Variants in LOXHD1 observed in about 807,000 individuals in gnomAD.
The protein encoded by LOXHD1 is lipoxygenase homology domain-containing protein 1.
LOXHD1 carries 205 observed loss-of-function variants against 248.2 expected under a neutral mutation model. The ratio of observed to expected loss-of-function variants is 0.83; its 90% CI spans 0.74 to 0.93. LOXHD1 has a LOEUF of 0.93. LOXHD1 is among the 40% of genes least tolerant of loss of function. The pLI, the probability that LOXHD1 is intolerant of heterozygous loss-of-function variation, is 0.00. For missense variants in LOXHD1, 2,930 were observed against 2,971.6 expected (o/e 0.99, Z 0.33); for synonymous variants, 1,113 against 1,162.8 (o/e 0.96, Z 0.87).
chr18:46,538,535 C>A (rs574068614), intron 25 of LOXHD1, among the ~76,000 whole-genome samples, 198 bp from the exon 26 acceptor site: 1 of 152,250 alleles, frequency 6.6e-6, no homozygotes, highest in East Asian at 1.9e-4. Context: ...CCTGCCCCGC[C>A]CCCATGGAAA....
chr18:46,523,944 G>A (rs894110044), intron 31 of LOXHD1, among the ~76,000 whole-genome samples: 4 of 152,136 alleles, frequency 2.6e-5, no homozygotes, highest in African/African-American at 9.7e-5. Flanking sequence ...GCATTCAAAT[G>A]TTTGATAGGC....
intron 34 of LOXHD1, 59 bp from the exon 35 acceptor site, chr18:46,509,874 TG>T: frequency 2.3e-6 from 1 of 438,344 alleles, no homozygotes; most frequent in Non-Finnish European, 4.4e-6. Flanking sequence ...AGGGTTGGGG[TG>T]GGCCAGGCCA....
intron 33 of LOXHD1, among the ~76,000 whole-genome samples, chr18:46,519,451 C>T (rs1440247868): frequency 6.6e-6 from 1 of 152,216 alleles, no homozygotes; most frequent in African/African-American, 2.4e-5. Context: ...TGCCAGGACA[C>T]TGTGAGGTTT....
chr18:46,625,859 C>A (rs1020554422), intron 4 of LOXHD1, among the ~76,000 whole-genome samples: 4 of 152,132 alleles, frequency 2.6e-5, no homozygotes, highest in African/African-American at 9.7e-5. Context: ...CTACGGAAGA[C>A]CCCTCCCATC....
intron 2 of LOXHD1, among the ~76,000 whole-genome samples, chr18:46,647,323 A>G (rs2039043843): frequency 6.6e-6 from 1 of 152,216 alleles, no homozygotes; most frequent in Non-Finnish European, 1.5e-5. Context: ...ATGCCATGTT[A>G]TAAAGGGTGG....
At chr18:46,592,320 G>A (rs1325025182) in intron 11 of LOXHD1, among the ~76,000 whole-genome samples, 178 bp downstream of exon 11, 1 of 152,120 alleles carries the variant, frequency 6.6e-6, no homozygotes, top group Non-Finnish European at 1.5e-5. Flanking sequence ...TACTTCGGAA[G>A]TCTCTCCCCA....
chr18:46,565,260 C>CAA (rs56205039), intron 17 of LOXHD1, among the ~76,000 whole-genome samples: 1,711 of 148,780 alleles, frequency 0.012, 14 homozygotes, highest in Non-Finnish European at 0.017. Context: ...GGCTCTGTCT[C>CAA]AAAAAAAAAA....
rs1405447713 is a variant in LOXHD1 at position 46,601,204 on chromosome 18, G to A, written c.1134+13C>T. ...TTGAATCAGGGAAGGCTGTCTCTGGGGGCATCCCTTACCTTCTCACAGAAC... is the reference window on the plus strand; with the variant it reads ...TTGAATCAGGGAAGGCTGTCTCTGGAGGCATCCCTTACCTTCTCACAGAAC... On this transcript the variant is annotated intron_variant, in intron 8 of 40. Transcript: ENST00000642948. The A allele has an allele frequency of 5.2e-6, 8 of 1,547,712 alleles. No homozygotes were observed. The highest frequency in any genetic ancestry group is 7.0e-6 in the Non-Finnish European group (8 of 1,144,074).
chr18:46,498,697 C>A (rs373530720), intron 37 of LOXHD1, among the ~76,000 whole-genome samples: 18 of 152,166 alleles, frequency 1.2e-4, no homozygotes, highest in African/African-American at 4.3e-4. Context: ...TTTATAAAGA[C>A]ACAAGTCGTC....
At chr18:46,642,130 A>T (rs547342841) in intron 2 of LOXHD1, 94 bp from the exon 3 acceptor site, 2 of 1,097,360 alleles carry the variant, frequency 1.8e-6, no homozygotes, top group African/African-American at 3.1e-5. Flanking sequence ...TTCCTCCATC[A>T]TCCCACTCCT....
Position 46,593,590 on chromosome 18 carries a change from C to A in LOXHD1, c.1431+10G>T, listed in dbSNP as rs57330753. 1.1e-3 allele frequency: 1,773 copies of A among 1,552,124 alleles called. 19 individuals carry two copies. The African/African-American group carries it at 0.022, about 19-fold the overall frequency. On this transcript the variant is annotated intron_variant, in intron 10 of 40. Coordinates refer to ENST00000642948, the MANE Select transcript of LOXHD1 (RefSeq NM_001384474.1). ...CTTTCTCCCTCCCATCCATCACAAT[C>A]CTCTCCTACCCTAAACTTCTCGATT...
intron 37 of LOXHD1, among the ~76,000 whole-genome samples, chr18:46,496,261 T>C (rs2033862476): frequency 6.6e-6 from 1 of 152,220 alleles, no homozygotes; most frequent in African/African-American, 2.4e-5. Flanking sequence ...TATGTGGAAG[T>C]TTATTACACT....
At chr18:46,621,189 G>C (rs1278949219) in intron 4 of LOXHD1, among the ~76,000 whole-genome samples, 1 of 152,178 alleles carries the variant, frequency 6.6e-6, no homozygotes, top group Non-Finnish European at 1.5e-5. Flanking sequence ...CAGTTGGCTG[G>C]GTGGAGAATA....
At chr18:46,518,829 C>T in intron 33 of LOXHD1, 1 of 965,126 alleles carries the variant, frequency 1.0e-6, no homozygotes, top group Non-Finnish European at 1.2e-6. Flanking sequence ...CCACAGCCTG[C>T]ACATGCCCTG....
In LOXHD1 at chr18:46,538,296, CAA is replaced by C. The variant is rs2036403931; in HGVS notation, c.3953_3954del (p.Phe1318CysfsTer37). ...AAGATGTTGGCATCTGTCCCAGCAG[CAA>C]AGACATCACTGGTGTAGAGGGTGAT... ...YEITLYTSDV[F>X]AAGTDANIFI... On this transcript the variant is annotated frameshift_variant, in exon 26 of 41. Coordinates refer to ENST00000642948, the MANE Select transcript of LOXHD1 (RefSeq NM_001384474.1). LOFTEE classifies it high-confidence loss of function. 6.4e-7 allele frequency: 1 copy of C among 1,551,412 alleles called. No homozygotes were observed. Among genetic ancestry groups the C allele is most frequent in the African/African-American group, 1.4e-5 (1 of 73,046 alleles).
At position 46,593,611 on chromosome 18, in the gene LOXHD1, C is replaced by A. The variant is rs1302912315; in HGVS notation, c.1420G>T (p.Glu474Ter). 1.3e-6 allele frequency: 2 copies of A among 1,552,302 alleles called. No homozygotes were observed. The highest frequency in any genetic ancestry group is 1.7e-6 in the Non-Finnish European group (2 of 1,147,122). Reference sequence around the variant, plus strand: ...CAATCCTCTCCTACCCTAAACTTCTCGATTATGCCGGGTTTGAACCACTTG... The same window carrying A: ...CAATCCTCTCCTACCCTAAACTTCTAGATTATGCCGGGTTTGAACCACTTG... ...NNKWFKPGIIEKFRIELPDLG... is the reference protein window; with the variant it reads ...NNKWFKPGII Residue 474 changes from glutamate (E) to a stop codon, truncating the protein, a stop_gained, in exon 10 of 41, where the codon GAG becomes TAG. Coordinates refer to ENST00000642948, the MANE Select transcript of LOXHD1 (RefSeq NM_001384474.1). LOFTEE classifies it high-confidence loss of function.
intron 40 of LOXHD1, among the ~76,000 whole-genome samples, chr18:46,482,113 G>C (rs2032627570): frequency 2.0e-5 from 3 of 152,186 alleles, no homozygotes; most frequent in African/African-American, 7.2e-5. Flanking sequence ...ACTGGTCCTA[G>C]CAGCCACATA....
chr18:46,551,206 C>T (rs989165000), intron 21 of LOXHD1, among the ~76,000 whole-genome samples: 1 of 151,802 alleles, frequency 6.6e-6, no homozygotes, highest in Non-Finnish European at 1.5e-5. Context: ...GGGTTGACGC[C>T]ATTCTCCTGC....
chr18:46,604,150 C>T lies in LOXHD1; in HGVS notation c.839G>A (p.Gly280Asp). ...NRWLALDEDDGKIQRDILVGG... is the reference protein window; with the variant it reads ...NRWLALDEDDDKIQRDILVGG... ...CACTAAGATATCCCTTTGGATTTTG[C>T]CATCGTCTTCGTCCAAGGCCAGCCA... Residue 280 changes from glycine (G) to aspartate (D), a missense_variant, in exon 7 of 41, where the codon GGC becomes GAC. Coordinates refer to ENST00000642948, the MANE Select transcript of LOXHD1 (RefSeq NM_001384474.1). 1 of 1,551,714 alleles carries T rather than the reference C, an allele frequency of 6.4e-7. No homozygotes were observed. Among genetic ancestry groups the T allele is most frequent in the Non-Finnish European group, 8.7e-7 (1 of 1,146,994 alleles).
Sources: gnomAD v4.1 joint callset for allele counts (sites outside exome capture counted in the v4.1 genomes callset) on GRCh38, gnomAD v4.1.1 for gene constraint, MANE v1.5 for transcripts, NCBI Gene and HGNC (gene_info 2026-07-23, HGNC 2026-07-21) for gene names.